The following ADGRV1 variants were observed in gnomAD, a reference collection of about 807,000 sequenced individuals.
The protein encoded by ADGRV1 is G-protein coupled receptor 98.
A neutral mutation model predicts 596.2 loss-of-function variants in ADGRV1; 359 were observed. The ratio of observed to expected loss-of-function variants is 0.60; its 90% CI spans 0.55 to 0.66. The LOEUF (loss-of-function observed/expected upper bound fraction) is 0.66. Among genes scored for constraint, ADGRV1 ranks in the 30% least tolerant of loss-of-function variants. The probability of loss-of-function intolerance (pLI) is 0.00; values close to 1 mark genes in which losing one functional copy is unlikely to be tolerated. For synonymous variants in ADGRV1, 2,681 were observed against 2,679.2 expected, an observed-to-expected ratio of 1.00 and a Z score of -0.02; for missense variants, 7,274 against 7,575.6, an observed-to-expected ratio of 0.96 and a Z score of 1.48.
chr5:90,570,974 T>C (rs1325706654), intron 1 of ADGRV1, among the ~76,000 whole-genome samples: 3 of 152,196 alleles, frequency 2.0e-5, no homozygotes, highest in Non-Finnish European at 4.4e-5. Context: ...GTATTGCTCA[T>C]ATTTTCTTGT....
chr5:90,606,730 C>A (rs954750203), intron 1 of ADGRV1, among the ~76,000 whole-genome samples: 1 of 152,046 alleles, frequency 6.6e-6, no homozygotes, highest in Non-Finnish European at 1.5e-5. Flanking sequence ...TGTTGTGAAA[C>A]GTACATCAAT....
At chr5:90,718,094 T>A (rs2149755237) in intron 43 of ADGRV1, 1 of 152,352 alleles carries the variant, frequency 6.6e-6, no homozygotes, top group East Asian at 1.9e-4. Flanking sequence ...ATTTCCAAAA[T>A]TTTTCATCAT....
chr5:90,839,261 C>T (rs1185464639), intron 77 of ADGRV1, among the ~76,000 whole-genome samples: 2 of 152,132 alleles, frequency 1.3e-5, no homozygotes, highest in Non-Finnish European at 2.9e-5. Context: ...ATTGCCCAGG[C>T]TGGAGTGCAG....
chr5:90,643,044 A>G lies in ADGRV1; in HGVS notation c.2553+3A>G. On this transcript the variant is annotated splice_donor_region_variant and intron_variant, in intron 13 of 89. Coordinates refer to ENST00000405460, the MANE Select transcript of ADGRV1 (RefSeq NM_032119.4). Reference sequence around the variant, plus strand: ...CAAGATTGGATGGGATACCAGAGGTATGGGATTTTATATTTTCTTTGTGTT... The same window carrying G: ...CAAGATTGGATGGGATACCAGAGGTGTGGGATTTTATATTTTCTTTGTGTT... 1 of 1,607,624 alleles carries G rather than the reference A, an allele frequency of 6.2e-7. No individual in the cohort carries two copies. Among genetic ancestry groups the G allele is most frequent in the Non-Finnish European group, 8.5e-7 (1 of 1,174,546 alleles).
intron 83 of ADGRV1, among the ~76,000 whole-genome samples, chr5:90,898,294 C>T (rs953293151): frequency 2.0e-5 from 3 of 152,140 alleles, no homozygotes; most frequent in African/African-American, 7.2e-5. Context: ...ACATGAGTCT[C>T]GAATGACCTT....
intron 84 of ADGRV1, among the ~76,000 whole-genome samples, chr5:90,978,034 A>C (rs6865883): frequency 0.5 from 76,119 of 151,914 alleles, 20,671 homozygotes; most frequent in African/African-American, 0.71. Flanking sequence ...CGGTAGCTCA[A>C]GCCTGTAATC....
intron 88 of ADGRV1, 64 bp downstream of exon 88, chr5:91,150,285 G>C (rs910667063): frequency 1.0e-5 from 13 of 1,240,054 alleles, no homozygotes; most frequent in East Asian, 2.6e-5. Flanking sequence ...CTCTCTGTCT[G>C]TCTCTCTCTC....
At chr5:90,940,329 T>C (rs1019210023) in intron 83 of ADGRV1, among the ~76,000 whole-genome samples, 1 of 152,232 alleles carries the variant, frequency 6.6e-6, no homozygotes, top group Non-Finnish European at 1.5e-5. Flanking sequence ...TGTTACTATC[T>C]AGTGTTCACT....
intron 83 of ADGRV1, among the ~76,000 whole-genome samples, chr5:90,912,513 G>C (rs1017184447): frequency 4.6e-5 from 7 of 152,158 alleles, no homozygotes; most frequent in Admixed American, 6.5e-5. Flanking sequence ...CGAGTAGTTA[G>C]CTTTTCAACA....
At chr5:90,798,400 C>G (rs1458457542) in intron 70 of ADGRV1, among the ~76,000 whole-genome samples, 1 of 152,088 alleles carries the variant, frequency 6.6e-6, no homozygotes, top group Non-Finnish European at 1.5e-5. Context: ...CTGAATAGAC[C>G]AAATAACAAG....
Position 90,855,160 on chromosome 5 carries a change from A to G in ADGRV1, c.17595-581A>G, listed in dbSNP as rs143261279. On this transcript the variant is annotated intron_variant, in intron 81 of 89. Coordinates refer to ENST00000405460, the MANE Select transcript of ADGRV1 (RefSeq NM_032119.4). Reference sequence around the variant, plus strand: ...CTCAGAAGGCTTGGCATCAGATACAATGTTTGCTAAAATTATGACATGGTT... The same window carrying G: ...CTCAGAAGGCTTGGCATCAGATACAGTGTTTGCTAAAATTATGACATGGTT... Among the ~76,000 whole-genome samples, 144 of 152,288 alleles carry G rather than the reference A, an allele frequency of 9.5e-4. 1 individual carries two copies. The highest frequency in any genetic ancestry group is 3.1e-3 in the African/African-American group (129 of 41,578).
intron 11 of ADGRV1, among the ~76,000 whole-genome samples, chr5:90,641,578 A>G (rs968894002): frequency 6.6e-6 from 1 of 152,182 alleles, no homozygotes; most frequent in African/African-American, 2.4e-5. Context: ...TAACTCTCCT[A>G]TTATTTAGAC....
chr5:91,004,502 G>A (rs1782111310), intron 85 of ADGRV1, among the ~76,000 whole-genome samples: 1 of 152,030 alleles, frequency 6.6e-6, no homozygotes, highest in African/African-American at 2.4e-5. Context: ...AAAGAAAGTG[G>A]TGATAAACTA....
At chr5:90,895,533 A>T (rs926928472) in intron 83 of ADGRV1, among the ~76,000 whole-genome samples, 1 of 152,204 alleles carries the variant, frequency 6.6e-6, no homozygotes, top group Non-Finnish European at 1.5e-5. Flanking sequence ...TTTTAACAAG[A>T]TGGGGAGTCT....
rs1413833807 is a variant in ADGRV1 at position 90,694,095 on chromosome 5, C to A, written c.7339C>A (p.Gln2447Lys). 6 of 1,613,836 alleles carry A rather than the reference C, an allele frequency of 3.7e-6. No homozygotes were observed. Among genetic ancestry groups the A allele is most frequent in the Non-Finnish European group, 5.1e-6 (6 of 1,179,856 alleles). ...YTCATLCLKEQACSAFSFFSA... is the reference protein window; with the variant it reads ...YTCATLCLKEKACSAFSFFSA... ...CTGTGCCACTTTGTGCCTTAAGGAA[C>A]AAGCTTGCTCAGCGTTTTCATTTTT... Residue 2447 changes from glutamine to lysine, a missense_variant, in exon 33 of 90, where the codon CAA becomes AAA. Around this residue, in one of 5 missense-constraint regions of ADGRV1, gnomAD observed 3,643 missense variants for 3,809.2 expected, o/e 0.96. Coordinates refer to ENST00000405460, the MANE Select transcript of ADGRV1 (RefSeq NM_032119.4).
At chr5:90,652,677 T>C (rs1323372998) in intron 19 of ADGRV1, 114 bp downstream of exon 19, 1 of 634,796 alleles carries the variant, frequency 1.6e-6, no homozygotes, top group Non-Finnish European at 2.6e-6. Context: ...GAAGTATTTG[T>C]GTCATGACTA....
chr5:91,018,637 A>G (rs1004925374), intron 85 of ADGRV1, among the ~76,000 whole-genome samples: 1 of 152,012 alleles, frequency 6.6e-6, no homozygotes, highest in African/African-American at 2.4e-5. Flanking sequence ...ATAAATTAAG[A>G]AATTAATCTT....
chr5:90,729,621 A>G, intron 49 of ADGRV1, 21 bp from the exon 50 acceptor site: 3 of 1,568,960 alleles, frequency 1.9e-6, no homozygotes, highest in Non-Finnish European at 2.6e-6. Flanking sequence ...TTAAGATTTG[A>G]CTTCTATTTC....
intron 85 of ADGRV1, among the ~76,000 whole-genome samples, chr5:90,986,758 A>AT (rs1181194545): frequency 6.6e-6 from 1 of 152,130 alleles, no homozygotes; most frequent in Non-Finnish European, 1.5e-5. Flanking sequence ...TTATATTATG[A>AT]TTTTTTACAT....
Sources: gnomAD v4.1 joint callset for allele counts (sites outside exome capture counted in the v4.1 genomes callset) on GRCh38, gnomAD v4.1.1 for gene constraint, gnomAD v4.1.1 regional missense constraint, MANE v1.5 for transcripts, NCBI Gene and HGNC (gene_info 2026-07-23, HGNC 2026-07-21) for gene names.